HSPA8: variants seen among roughly 807,000 people sequenced by gnomAD.
HSPA8 encodes the protein heat shock protein family A (Hsp70) member 8, also known as heat shock cognate 71 kDa protein.
HSPA8 carries 2 observed loss-of-function variants against 52.8 expected under a neutral mutation model. That is an observed-to-expected ratio of 0.04 (90% CI 0.02 to 0.12). The LOEUF (loss-of-function observed/expected upper bound fraction) is 0.12, where lower values mean the gene tolerates loss of function less well. HSPA8 is among the 10% of genes least tolerant of loss of function. HSPA8 has a pLI of 1.00. For synonymous variants in HSPA8, 436 were observed against 274.0 expected, an observed-to-expected ratio of 1.59 and a Z score of -5.84; for missense variants, 349 against 800.5, an observed-to-expected ratio of 0.44 and a Z score of 6.81.
chr11:123,060,822 C>A (rs777506164), intron 2 of HSPA8, 24 bp from the exon 3 acceptor site: 57 of 1,077,878 alleles, frequency 5.3e-5, no homozygotes, highest in Non-Finnish European at 4.9e-5. Context: ...CAAATGAAAA[C>A]ACTTTCAATT....
In HSPA8 at chr11:123,060,731, G is replaced by A; in HGVS notation, c.273C>T (p.Pro91=). The change falls in exon 3 of 9, where the codon CCC becomes CCT. Residue 91 remains proline, a synonymous_variant. Transcript: ENST00000534624. ...AVVQSDMKHW[P]FMVVNDAGRP... ...TGCCAGCATCATTCACCACCATAAA[G>A]GGCCAATGTTTCATATCAGACTGGA... The A allele has an allele frequency of 6.2e-7, 1 of 1,613,964 alleles. No homozygotes were observed. The highest frequency in any genetic ancestry group is 8.5e-7 in the Non-Finnish European group (1 of 1,179,976).
At position 123,057,998 on chromosome 11, in the gene HSPA8, T is replaced by TA. The variant is rs899574093; in HGVS notation, c.1756-80dup. ...CTTTCTCCCTGACGCAATCTGATAC[T>TA]AAAAGTCTGGCGCAAACTCTTACAA... is the stretch of plus-strand genomic sequence containing the variant. On this transcript the variant is annotated intron_variant, in intron 8 of 8. Coordinates refer to ENST00000534624, the MANE Select transcript of HSPA8 (RefSeq NM_006597.6). The TA allele has an allele frequency of 3.3e-6, 4 of 1,205,948 alleles. No homozygotes were observed. In the African/African-American group the frequency reaches 6.2e-5, roughly 19 times the overall value. 74.7% of individuals were successfully genotyped at this position (1,205,948 alleles called of 1,614,324 possible).
At chr11:123,060,377 C>T (rs1252910955) in intron 3 of HSPA8, 109 bp from the exon 4 acceptor site, 3 of 1,091,612 alleles carry the variant, frequency 2.7e-6, no homozygotes, top group East Asian at 4.8e-5. Context: ...ACCCCCCCCA[C>T]CAAAATGTAA....
intron 1 of HSPA8, 98 bp from the exon 2 acceptor site, chr11:123,061,427 G>T: frequency 1.1e-6 from 1 of 893,824 alleles, no homozygotes; most frequent in Non-Finnish European, 1.8e-6. Context: ...TATGGCCACT[G>T]CCAAGAGGTA....
At chr11:123,058,226 G>GA (rs71057327) in intron 8 of HSPA8, 26 bp downstream of exon 8, 270,471 of 992,218 alleles carry the variant, frequency 0.27, 8,667 homozygotes, top group Non-Finnish European at 0.3. Context: ...AGTGGGGGAG[G>GA]AAAAAAAAAA....
In HSPA8 at chr11:123,058,490, A is replaced by C. The variant is rs922191982; in HGVS notation, c.1523-6T>G. 1 of 1,612,836 alleles carries C rather than the reference A, an allele frequency of 6.2e-7. No homozygotes were observed. The highest frequency in any genetic ancestry group is 8.5e-7 in the Non-Finnish European group (1 of 1,178,908). ...GTCTTCCTTGCTCAAACGGCCTAGG[A>C]AAGAAATTAACTCTAAGTAAAAGCC... On this transcript the variant is annotated splice_region_variant and splice_polypyrimidine_tract_variant and intron_variant, in intron 7 of 8. Transcript: ENST00000534624.
In HSPA8 at chr11:123,059,633, G is replaced by A. The variant is rs1490496239; in HGVS notation, c.960C>T (p.Ala320=). 5 of 1,614,102 alleles carry A rather than the reference G, an allele frequency of 3.1e-6. No individual in the cohort carries two copies. Among genetic ancestry groups the A allele is most frequent in the Non-Finnish European group, 4.2e-6 (5 of 1,179,998 alleles). ...FRGTLDPVEK[A]LRDAKLDKSQ... is the part of the protein sequence containing the mutation. ...ACTTGTCTAGTTTGGCATCTCGAAG[G>A]GCTTTCTCTACTGGGTCCAGGGTGC... The change falls in exon 5 of 9, where the codon GCC becomes GCT. Residue 320 remains alanine (A), a synonymous_variant. Coordinates refer to ENST00000534624, the MANE Select transcript of HSPA8 (RefSeq NM_006597.6).
At chr11:123,058,197 A>G (rs1009339759) in intron 8 of HSPA8, 55 bp downstream of exon 8, 16 of 1,121,092 alleles carry the variant, frequency 1.4e-5, no homozygotes, top group Non-Finnish European at 2.1e-5. Flanking sequence ...TTGGTTTACC[A>G]TCCCCTTCCC....
chr11:123,061,031 A>T (rs1361096795), intron 2 of HSPA8, 89 bp downstream of exon 2: 2 of 1,200,390 alleles, frequency 1.7e-6, no homozygotes, highest in Non-Finnish European at 2.4e-6. Flanking sequence ...GTTTTTCTAA[A>T]ATCAAAAAGT....
chr11:123,059,852 G>A lies in HSPA8; in HGVS notation c.741C>T (p.Arg247=). The A allele has an allele frequency of 6.2e-7, 1 of 1,613,364 alleles. No individual in the cohort carries two copies. The highest frequency in any genetic ancestry group is 8.5e-7 in the Non-Finnish European group (1 of 1,179,862). ...MVNHFIAEFK[R]KHKKDISENK... is the part of the protein sequence containing the mutation. ...TCTCACTGATGTCCTTCTTATGCTT[G>A]CGCTTAAACTCAGCAATAAAATGGT... is the stretch of plus-strand genomic sequence containing the variant. Residue 247 remains arginine (R), a synonymous_variant, in exon 5 of 9, where the codon CGC becomes CGT. Coordinates refer to ENST00000534624, the MANE Select transcript of HSPA8 (RefSeq NM_006597.6).
chr11:123,060,354 G>T (rs2135444888), intron 3 of HSPA8, 86 bp from the exon 4 acceptor site: 1 of 1,293,322 alleles, frequency 7.7e-7, no homozygotes, highest in Non-Finnish European at 1.1e-6. Flanking sequence ...GCTGGTGAAA[G>T]AACAGCTGGA....
At chr11:123,059,432 G>A (rs770390592) in intron 5 of HSPA8, 41 bp downstream of exon 5, 1 of 1,540,772 alleles carries the variant, frequency 6.5e-7, no homozygotes, top group Non-Finnish European at 8.9e-7. Context: ...AGTCACCTTG[G>A]GCCTGCCTGC....
Position 123,058,813 on chromosome 11 carries a change from A to C in HSPA8, c.1341T>G (p.Arg447=). The change falls in exon 7 of 9, where the codon CGT becomes CGG. Residue 447 remains arginine, a synonymous_variant. Coordinates refer to ENST00000534624, the MANE Select transcript of HSPA8 (RefSeq NM_006597.6). The part of the protein sequence containing the change: ...GVLIQVYEGE[R]AMTKDNNLLG... ...GCAGGTTGTTATCCTTTGTCATGGC[A>C]CGCTCGCCTTCATAAACCTTGGTAG... 6.2e-7 allele frequency: 1 copy of C among 1,614,166 alleles called. No individual in the cohort carries two copies.
chr11:123,060,890 A>G, intron 2 of HSPA8, 92 bp from the exon 3 acceptor site: 1 of 1,174,234 alleles, frequency 8.5e-7, no homozygotes, highest in Non-Finnish European at 1.3e-6. Context: ...AACAGTTCAT[A>G]GGTAGGTGAA....
rs1434520321 is a variant in HSPA8, at chr11:123,057,672, G to C, written c.*62C>G. On this transcript the variant is annotated 3_prime_UTR_variant, in exon 9 of 9. Coordinates refer to ENST00000534624, the MANE Select transcript of HSPA8 (RefSeq NM_006597.6). ...TTAAAACTGCCACAGAATTTGCTAC[G>C]AATTTAGGTCCTTCAAATGTTTTAA... The C allele has an allele frequency of 2.9e-6, 4 of 1,368,070 alleles. No homozygotes were observed. Among genetic ancestry groups the C allele is most frequent in the Admixed American group, 2.4e-5 (1 of 41,738 alleles). The allele number at this position is 1,368,070 out of a possible 1,614,324, so 84.7% of individuals were successfully genotyped here.
Position 123,060,680 on chromosome 11 carries a change from C to T in HSPA8, c.324G>A (p.Lys108=), listed in dbSNP as rs1464641326. 1.9e-6 allele frequency: 3 copies of T among 1,613,748 alleles called. No homozygotes were observed. The highest frequency in any genetic ancestry group is 2.5e-6 in the Non-Finnish European group (3 of 1,179,744). ...AGRPKVQVEY[K]GETKSFYPEE... The stretch of plus-strand genomic sequence containing the variant: ...CTGGATAGAAGCTTTTGGTCTCTCC[C>T]TTGTATTCTACTTGGACCTTGGGCC... Residue 108 remains lysine (K), a synonymous_variant, in exon 3 of 9, where the codon AAG becomes AAA. Coordinates refer to ENST00000534624, the MANE Select transcript of HSPA8 (RefSeq NM_006597.6).
intron 5 of HSPA8, 82 bp downstream of exon 5, chr11:123,059,391 T>C (rs761063852): frequency 2.1e-6 from 3 of 1,402,648 alleles, no homozygotes; most frequent in Admixed American, 3.7e-5. Context: ...TGGTGGAAAC[T>C]ACGAATGTTT....
chr11:123,060,884 G>C lies in HSPA8; in HGVS notation c.206-86C>G, dbSNP rs180812613. ...TCCATGATTACTCAAATACCTAACA[G>C]TTCATAGGTAGGTGAATTCAACTAC... On this transcript the variant is annotated intron_variant, in intron 2 of 8. Transcript: ENST00000534624. The C allele has an allele frequency of 3.3e-6, 4 of 1,207,540 alleles. No homozygotes were observed. The African/African-American group carries it at 4.5e-5, about 14-fold the overall frequency. 74.8% of individuals were successfully genotyped at this position (1,207,540 alleles called of 1,614,324 possible).
rs1865386166 is a variant in HSPA8, at chr11:123,058,503, C to CT, written c.1523-20dup. 2 of 1,609,294 alleles carry CT rather than the reference C, an allele frequency of 1.2e-6. No homozygotes were observed. The highest frequency in any genetic ancestry group is 1.3e-5 in the African/African-American group (1 of 74,920). ...AAACGGCCTAGGAAAGAAATTAACTCTAAGTAAAAGCCTTAAATTACCTGT... is the reference window on the plus strand; with the variant it reads ...AAACGGCCTAGGAAAGAAATTAACTCTTAAGTAAAAGCCTTAAATTACCTGT... On this transcript the variant is annotated intron_variant, in intron 7 of 8. Coordinates refer to ENST00000534624, the MANE Select transcript of HSPA8 (RefSeq NM_006597.6).
Sources: allele counts gnomAD v4.1 joint callset, GRCh38; gene constraint gnomAD v4.1.1; transcripts MANE v1.5; gene names NCBI Gene and HGNC (gene_info 2026-07-23, HGNC 2026-07-21).